Variants in SYNDIG1 observed in about 807,000 individuals in gnomAD.
SYNDIG1 encodes synapse differentiation-inducing gene protein 1.
Under a neutral mutation model 19.4 loss-of-function variants are expected in SYNDIG1, and 9 were observed. That is an observed-to-expected ratio of 0.46 (90% CI 0.28 to 0.81). The LOEUF (loss-of-function observed/expected upper bound fraction) is 0.81. Among genes scored for constraint, SYNDIG1 ranks in the 30% least tolerant of loss-of-function variants. SYNDIG1 has a pLI of 0.12. For missense variants in SYNDIG1, 311 were observed against 343.3 expected, an observed-to-expected ratio of 0.91 and a Z score of 0.74; for synonymous variants, 141 against 145.9, an observed-to-expected ratio of 0.97 and a Z score of 0.24.
intron 1 of SYNDIG1, among the ~76,000 whole-genome samples, chr20:24,528,655 G>A (rs2057177798): frequency 1.3e-5 from 2 of 152,132 alleles, no homozygotes; most frequent in South Asian, 4.2e-4. Flanking sequence ...ATGGGCGAGG[G>A]CTTAATCACC....
At chr20:24,610,341 G>T (rs912524897) in intron 3 of SYNDIG1, among the ~76,000 whole-genome samples, 4 of 152,162 alleles carry the variant, frequency 2.6e-5, no homozygotes, top group African/African-American at 9.7e-5. Context: ...AACCAAAAGG[G>T]ATATTGTAAG....
At position 24,598,050 on chromosome 20, in the gene SYNDIG1, A is replaced by G. The variant is rs116927375; in HGVS notation, c.618+13057A>G. 2.0e-5 allele frequency among the ~76,000 whole-genome samples: 3 copies of G among 152,328 alleles called. No individual in the cohort carries two copies. In the East Asian group the frequency reaches 5.8e-4, roughly 29 times the overall value. ...TGGAACCCAGGTTAAAGAGGGTAAT[A>G]ACATTCTCACCAGGACAGCCTTGTT... is the stretch of plus-strand genomic sequence containing the variant. On this transcript the variant is annotated intron_variant, in intron 3 of 3. Coordinates refer to ENST00000376862, the MANE Select transcript of SYNDIG1 (RefSeq NM_024893.3).
At chr20:24,656,084 G>A (rs774525783) in intron 3 of SYNDIG1, among the ~76,000 whole-genome samples, 1 of 152,190 alleles carries the variant, frequency 6.6e-6, no homozygotes. Context: ...GGGACAGTGA[G>A]GGGGCACAGG....
chr20:24,591,620 G>T (rs1377018344), intron 3 of SYNDIG1, among the ~76,000 whole-genome samples: 1 of 152,116 alleles, frequency 6.6e-6, no homozygotes, highest in African/African-American at 2.4e-5. Flanking sequence ...AATAGATGTT[G>T]TGAAATACAG....
intron 3 of SYNDIG1, among the ~76,000 whole-genome samples, chr20:24,646,852 C>A (rs1311643319): frequency 6.6e-6 from 1 of 152,088 alleles, no homozygotes; most frequent in African/African-American, 2.4e-5. Context: ...AACTTCTGAC[C>A]TCAGGTGATC....
intron 1 of SYNDIG1, among the ~76,000 whole-genome samples, chr20:24,491,971 G>T (rs1738179618): frequency 1.3e-5 from 2 of 152,232 alleles, no homozygotes; most frequent in Admixed American, 6.5e-5. Context: ...AAATGCTGAA[G>T]ACAGGTGGAA....
At chr20:24,633,455 A>G (rs60368855) in intron 3 of SYNDIG1, among the ~76,000 whole-genome samples, 2,180 of 152,234 alleles carry the variant, frequency 0.014, 60 homozygotes, top group African/African-American at 0.049. Flanking sequence ...AGGCTCAGAA[A>G]TAAACATGGA....
rs1166753038 is a variant in SYNDIG1 at position 24,634,823 on chromosome 20, G to A, written c.619-30523G>A. ...TTGGCTGTCAGTGGTGCCTCTTGCT[G>A]TAGAAAGGAGTCCTGGAGTATCTTC... On this transcript the variant is annotated intron_variant, in intron 3 of 3. Transcript: ENST00000376862. Among the ~76,000 whole-genome samples, 5 of 152,334 alleles carry A rather than the reference G, an allele frequency of 3.3e-5. 1 individual carries two copies. The Middle Eastern group carries it at 0.01, about 311-fold the overall frequency.
At chr20:24,571,304 A>T (rs2058138505) in intron 2 of SYNDIG1, among the ~76,000 whole-genome samples, 2 of 152,230 alleles carry the variant, frequency 1.3e-5, no homozygotes, top group Admixed American at 1.3e-4. Flanking sequence ...TCTGTGGTTT[A>T]GTCAGAAGTG....
intron 1 of SYNDIG1, among the ~76,000 whole-genome samples, chr20:24,496,988 A>ATCT (rs1270245116): frequency 1.3e-5 from 2 of 152,162 alleles, no homozygotes; most frequent in African/African-American, 4.8e-5. Flanking sequence ...AGAGTTTTAT[A>ATCT]TCTTCACAGT....
chr20:24,487,741 C>T (rs2056008916), intron 1 of SYNDIG1, among the ~76,000 whole-genome samples: 2 of 152,188 alleles, frequency 1.3e-5, no homozygotes, highest in African/African-American at 4.8e-5. Flanking sequence ...TGCAACACTT[C>T]CTCTCATCCT....
intron 3 of SYNDIG1, among the ~76,000 whole-genome samples, chr20:24,654,979 CAG>C (rs1207037306): frequency 1.3e-5 from 2 of 152,208 alleles, no homozygotes; most frequent in Non-Finnish European, 2.9e-5. Context: ...TGCAGGCACG[CAG>C]AGTCTGCCAC....
At chr20:24,528,127 A>C (rs1310081265) in intron 1 of SYNDIG1, among the ~76,000 whole-genome samples, 2 of 152,214 alleles carry the variant, frequency 1.3e-5, no homozygotes, top group African/African-American at 4.8e-5. Flanking sequence ...CCTGAATCTA[A>C]TTTTGTAACA....
In SYNDIG1 at chr20:24,543,479, T is replaced by C; in HGVS notation, c.382T>C (p.Tyr128His). Reference sequence around the variant, plus strand: ...GTCGCCCACCAAAGACAGCCTCGAGTACCCGGATGGGAAGTTCATTGACCT... The same window carrying C: ...GTCGCCCACCAAAGACAGCCTCGAGCACCCGGATGGGAAGTTCATTGACCT... ...DRSPTKDSLEYPDGKFIDLSA... is the reference protein window; with the variant it reads ...DRSPTKDSLEHPDGKFIDLSA... The change falls in exon 2 of 4, where the codon TAC becomes CAC. Residue 128 changes from tyrosine (Y) to histidine (H), a missense_variant. Coordinates refer to ENST00000376862, the MANE Select transcript of SYNDIG1 (RefSeq NM_024893.3). 1 of 1,612,406 alleles carries C rather than the reference T, an allele frequency of 6.2e-7. No homozygotes were observed.
At chr20:24,653,927 A>G (rs2059498187) in intron 3 of SYNDIG1, among the ~76,000 whole-genome samples, 1 of 152,210 alleles carries the variant, frequency 6.6e-6, no homozygotes. Flanking sequence ...TAACAATGCC[A>G]TTTAAACTTA....
intron 3 of SYNDIG1, among the ~76,000 whole-genome samples, chr20:24,657,261 C>A (rs2147387478): frequency 6.6e-6 from 1 of 152,350 alleles, no homozygotes; most frequent in South Asian, 2.1e-4. Context: ...CAGCCTGGTG[C>A]AGCAGCCGCA....
chr20:24,524,427 C>T (rs62215268), intron 1 of SYNDIG1, among the ~76,000 whole-genome samples: 1 of 152,070 alleles, frequency 6.6e-6, no homozygotes, highest in African/African-American at 2.4e-5. Context: ...GGGTGGATCA[C>T]GAGGTCAGGA....
At chr20:24,548,808 G>C (rs1457522895) in intron 2 of SYNDIG1, among the ~76,000 whole-genome samples, 1 of 152,130 alleles carries the variant, frequency 6.6e-6, no homozygotes, top group African/African-American at 2.4e-5. Flanking sequence ...GGAGCTTTTA[G>C]CTTTCATGAT....
chr20:24,621,882 C>T (rs2076909449), intron 3 of SYNDIG1, among the ~76,000 whole-genome samples: 1 of 152,206 alleles, frequency 6.6e-6, no homozygotes, highest in Admixed American at 6.5e-5. Flanking sequence ...ACACCTAAAT[C>T]TACACCAAAC....
Sources: allele counts gnomAD v4.1 joint callset (sites outside exome capture counted in the v4.1 genomes callset), GRCh38; gene constraint gnomAD v4.1.1; transcripts MANE v1.5; gene names NCBI Gene and HGNC (gene_info 2026-07-23, HGNC 2026-07-21).